The following PRR5L variants were observed in gnomAD, a reference collection of about 807,000 sequenced individuals.
PRR5L encodes the protein proline rich 5 like, also known as proline-rich protein 5-like.
In PRR5L, 21 loss-of-function variants were observed where a neutral mutation model predicts 36.4. That is an observed-to-expected ratio of 0.58 (90% CI 0.41 to 0.83). The LOEUF is 0.83. PRR5L is among the 40% of genes least tolerant of loss of function. The probability of loss-of-function intolerance (pLI) is 0.00; values close to 1 mark genes in which losing one functional copy is unlikely to be tolerated. For missense variants in PRR5L, 381 were observed against 473.3 expected, an observed-to-expected ratio of 0.80 and a Z score of 1.81; for synonymous variants, 188 against 197.0, an observed-to-expected ratio of 0.95 and a Z score of 0.38.
chr11:36,413,675 T>G (rs71481978), intron 3 of PRR5L, among the ~76,000 whole-genome samples: 19,493 of 151,724 alleles, frequency 0.13, 1,336 homozygotes, highest in African/African-American at 0.17. Flanking sequence ...GATGATACTG[T>G]ATACTTTATT....
At chr11:36,362,637 T>G (rs1314797530) in intron 1 of PRR5L, among the ~76,000 whole-genome samples, 3 of 152,212 alleles carry the variant, frequency 2.0e-5, no homozygotes, top group Non-Finnish European at 2.9e-5. Flanking sequence ...CAATTATGTC[T>G]GTCCTCCCTT....
Position 36,463,121 on chromosome 11 carries a change from A to C in PRR5L, c.*385A>C. 5.8e-6 allele frequency: 1 copy of C among 172,378 alleles called. No homozygotes were observed. Among genetic ancestry groups the C allele is most frequent in the Non-Finnish European group, 1.2e-5 (1 of 82,042 alleles). 10.7% of individuals were successfully genotyped at this position (172,378 alleles called of 1,614,324 possible). A position where few individuals can be genotyped will look rare whatever the true frequency, so the allele number is the denominator to read the frequency against. On this transcript the variant is annotated 3_prime_UTR_variant, in exon 9 of 9. Transcript: ENST00000530639. The stretch of plus-strand genomic sequence containing the variant: ...GGTTGTCAGGACAACACATATAACC[A>C]CCAAGGATGTGTTGGCCTTTGGAGT...
At chr11:36,356,878 A>C (rs1392811720) in intron 1 of PRR5L, among the ~76,000 whole-genome samples, 1 of 152,174 alleles carries the variant, frequency 6.6e-6, no homozygotes, top group Non-Finnish European at 1.5e-5. Context: ...ATGACCTCTA[A>C]GTGTTCAAGT....
At chr11:36,424,214 G>T (rs12276184) in intron 4 of PRR5L, among the ~76,000 whole-genome samples, 4,042 of 152,250 alleles carry the variant, frequency 0.027, 175 homozygotes, top group African/African-American at 0.092. Flanking sequence ...CACATCAGTT[G>T]TGGAAGAAAG....
intron 5 of PRR5L, among the ~76,000 whole-genome samples, chr11:36,435,965 G>A (rs947392748): frequency 1.3e-5 from 2 of 152,198 alleles, no homozygotes; most frequent in East Asian, 1.9e-4. Flanking sequence ...TTCCAGTGAC[G>A]AGACAGAGAA....
At chr11:36,325,017 G>A (rs1856646115) in intron 1 of PRR5L, among the ~76,000 whole-genome samples, 1 of 152,176 alleles carries the variant, frequency 6.6e-6, no homozygotes, top group Non-Finnish European at 1.5e-5. Context: ...CCAAGATGAT[G>A]GTGGGCTGCT....
chr11:36,445,098 G>A (rs186200363), intron 6 of PRR5L, among the ~76,000 whole-genome samples: 4 of 152,296 alleles, frequency 2.6e-5, no homozygotes, highest in Admixed American at 2.6e-4. Context: ...GTGATTGTGT[G>A]TATCTGTTGG....
intron 1 of PRR5L, among the ~76,000 whole-genome samples, chr11:36,345,115 C>T (rs985399778): frequency 3.9e-5 from 6 of 151,928 alleles, no homozygotes; most frequent in Admixed American, 1.3e-4. Context: ...GCAGGAAGGA[C>T]GGTGTTGGCC....
intron 4 of PRR5L, 60 bp from the exon 5 acceptor site, chr11:36,431,793 G>T: frequency 6.7e-7 from 1 of 1,497,476 alleles, no homozygotes; most frequent in Non-Finnish European, 9.3e-7. Flanking sequence ...GTGGAAGAGG[G>T]TTCATCACTT....
rs190566383 is a variant in PRR5L, at chr11:36,441,164, C to T, written c.444+3688C>T. Among the ~76,000 whole-genome samples the T allele has an allele frequency of 9.8e-5, 15 of 152,310 alleles. 1 individual carries two copies. The highest frequency in any genetic ancestry group is 3.6e-4 in the African/African-American group (15 of 41,572). ...AATACAATCATTCCTGCCCAATAGT[C>T]CCCTAAAGTCTTAATTTATTCCAGC... On this transcript the variant is annotated intron_variant, in intron 6 of 8. Transcript: ENST00000530639.
At chr11:36,432,155 TTTTTTTTG>T (rs3083272) in intron 5 of PRR5L, among the ~76,000 whole-genome samples, 108,532 of 140,626 alleles carry the variant, frequency 0.77, 41,025 homozygotes, top group East Asian at 0.89. Flanking sequence ...TGTTCAGGGT[TTTTTTTTG>T]TTTTGTTTTT....
chr11:36,308,267 T>C (rs1222853115), intron 1 of PRR5L, among the ~76,000 whole-genome samples: 1 of 152,246 alleles, frequency 6.6e-6, no homozygotes, highest in African/African-American at 2.4e-5. Flanking sequence ...TGCCAAGACT[T>C]CCATTGCTAG....
At chr11:36,451,999 T>C (rs531161447) in intron 8 of PRR5L, among the ~76,000 whole-genome samples, 1 of 132,770 alleles carries the variant, frequency 7.5e-6, no homozygotes, top group South Asian at 2.6e-4. Context: ...ATGGGTTCAG[T>C]ACAAATATCT....
chr11:36,384,125 T>TA (rs1486204439), intron 1 of PRR5L, among the ~76,000 whole-genome samples: 1 of 152,228 alleles, frequency 6.6e-6, no homozygotes, highest in African/African-American at 2.4e-5. Context: ...ACACCTTGGA[T>TA]ACACCTTGAA....
chr11:36,427,853 C>G (rs1858413371), intron 4 of PRR5L, among the ~76,000 whole-genome samples: 1 of 152,236 alleles, frequency 6.6e-6, no homozygotes, highest in African/African-American at 2.4e-5. Context: ...ACTCTACTCA[C>G]CAGACTGGTG....
At chr11:36,390,086 A>G (rs1857536731) in intron 1 of PRR5L, among the ~76,000 whole-genome samples, 1 of 152,182 alleles carries the variant, frequency 6.6e-6, no homozygotes, top group African/African-American at 2.4e-5. Flanking sequence ...TCACAAACCT[A>G]TAACAAATAA....
intron 1 of PRR5L, among the ~76,000 whole-genome samples, chr11:36,298,634 C>T (rs1436917023): frequency 6.6e-6 from 1 of 152,210 alleles, no homozygotes; most frequent in Admixed American, 6.5e-5. Flanking sequence ...AAGCTTCGTG[C>T]TCTCTCTGTC....
At chr11:36,305,106 A>T (rs938109097) in intron 1 of PRR5L, among the ~76,000 whole-genome samples, 1 of 152,254 alleles carries the variant, frequency 6.6e-6, no homozygotes, top group Non-Finnish European at 1.5e-5. Flanking sequence ...CATAATAGCC[A>T]AAAGGTGGAA....
chr11:36,359,296 T>G (rs1396313351), intron 1 of PRR5L, among the ~76,000 whole-genome samples: 1 of 152,164 alleles, frequency 6.6e-6, no homozygotes, highest in Non-Finnish European at 1.5e-5. Flanking sequence ...TTGAAAGATT[T>G]TGTCTTAGCG....
Sources: gnomAD v4.1 joint callset for allele counts (sites outside exome capture counted in the v4.1 genomes callset) on GRCh38, gnomAD v4.1.1 for gene constraint, MANE v1.5 for transcripts, NCBI Gene and HGNC (gene_info 2026-07-23, HGNC 2026-07-21) for gene names.